Variants in PNKD observed in about 807,000 individuals in gnomAD.
PNKD encodes the protein probable thioesterase PNKD.
Under a neutral mutation model 45.3 loss-of-function variants are expected in PNKD, and 36 were observed. The observed-to-expected ratio is 0.80, with a 90% CI of 0.61 to 1.05. The LOEUF is 1.05. PNKD is among the 50% of genes least tolerant of loss of function. The pLI, the probability that PNKD is intolerant of heterozygous loss-of-function variation, is 0.00. For missense variants in PNKD, 511 were observed against 506.6 expected, an observed-to-expected ratio of 1.01 and a Z score of -0.08; for synonymous variants, 197 against 210.1, an observed-to-expected ratio of 0.94 and a Z score of 0.54.
intron 2 of PNKD, among the ~76,000 whole-genome samples, chr2:218,324,559 T>A (rs1292314842): frequency 2.0e-5 from 3 of 152,228 alleles, no homozygotes; most frequent in Admixed American, 2.0e-4. Context: ...ACATCTCTAA[T>A]ATCCTAAACC....
intron 2 of PNKD, chr2:218,272,812 G>T: frequency 6.2e-7 from 1 of 1,613,030 alleles, no homozygotes; most frequent in Non-Finnish European, 8.5e-7. Context: ...CTCAGGTTTG[G>T]CCCAGATTCC....
At chr2:218,280,551 G>C (rs1559504064) in intron 2 of PNKD, 1 of 241,858 alleles carries the variant, frequency 4.1e-6, no homozygotes, top group African/African-American at 2.3e-5. Context: ...GGTGAAGACA[G>C]GGATCTGCAT....
intron 7 of PNKD, among the ~76,000 whole-genome samples, chr2:218,342,436 A>G (rs1427618448): frequency 6.6e-6 from 1 of 152,118 alleles, no homozygotes; most frequent in Non-Finnish European, 1.5e-5. Context: ...GTGGTGGCTC[A>G]TGCCTGTAAT....
intron 1 of PNKD, 167 bp downstream of exon 1, chr2:218,270,769 TC>T (rs367830089): frequency 4.8e-6 from 2 of 413,616 alleles, no homozygotes; most frequent in Admixed American, 8.5e-5. Flanking sequence ...ACCCAGTGCA[TC>T]CCCCCGCCTT....
chr2:218,317,056 T>C (rs993887693), intron 2 of PNKD, among the ~76,000 whole-genome samples: 2 of 152,062 alleles, frequency 1.3e-5, no homozygotes, highest in African/African-American at 4.8e-5. Flanking sequence ...TGGAGGTCCA[T>C]GTGTACTGGG....
At chr2:218,273,039 C>A in intron 2 of PNKD, 2 of 936,730 alleles carry the variant, frequency 2.1e-6, no homozygotes, top group East Asian at 3.7e-5. Context: ...GCTCAGTGTT[C>A]CCAGCTGGAT....
intron 2 of PNKD, among the ~76,000 whole-genome samples, chr2:218,310,502 G>A (rs781352811): frequency 8.6e-5 from 13 of 151,750 alleles, no homozygotes; most frequent in Non-Finnish European, 1.9e-4. Context: ...GATTATAGGC[G>A]TGAGCCACTG....
rs1198734450 is a variant in PNKD, at chr2:218,345,370, G to T, written c.*389G>T. The T allele has an allele frequency of 1.0e-5, 2 of 193,984 alleles. No individual in the cohort carries two copies. Among genetic ancestry groups the T allele is most frequent in the Non-Finnish European group, 2.1e-5 (2 of 93,500 alleles). The allele number at this position is 193,984 out of a possible 1,614,324, so 12.0% of individuals were successfully genotyped here. ...TCTCACTGTAGCCCTGGAACCCAGGGTCCATCTTGCCCTTCCCCCATCCAT... is the reference window on the plus strand; with the variant it reads ...TCTCACTGTAGCCCTGGAACCCAGGTTCCATCTTGCCCTTCCCCCATCCAT... On this transcript the variant is annotated 3_prime_UTR_variant, in exon 10 of 10. Coordinates refer to ENST00000273077, the MANE Select transcript of PNKD (RefSeq NM_015488.5).
At chr2:218,342,611 A>C (rs1379305069) in intron 7 of PNKD, among the ~76,000 whole-genome samples, 2 of 151,898 alleles carry the variant, frequency 1.3e-5, no homozygotes, top group Non-Finnish European at 2.9e-5. Context: ...GAGACAGGAG[A>C]ACTGCTTGAA....
chr2:218,330,086 C>T (rs577108111), intron 2 of PNKD, among the ~76,000 whole-genome samples: 2 of 152,212 alleles, frequency 1.3e-5, no homozygotes, highest in African/African-American at 4.8e-5. Flanking sequence ...CTTGTGGGAT[C>T]GGGGGGACAT....
chr2:218,313,903 C>CTTTTTTTT (rs10550174), intron 2 of PNKD, among the ~76,000 whole-genome samples: 87 of 77,606 alleles, frequency 1.1e-3, no homozygotes, highest in African/African-American at 1.4e-3. Context: ...TTCTTTATTT[C>CTTTTTTTT]TTTTTTTTTT....
At chr2:218,300,038 T>C (rs761248811) in intron 2 of PNKD, among the ~76,000 whole-genome samples, 1 of 152,108 alleles carries the variant, frequency 6.6e-6, no homozygotes, top group African/African-American at 2.4e-5. Context: ...ATTACTGGAG[T>C]GAGCCACCGC....
intron 2 of PNKD, among the ~76,000 whole-genome samples, chr2:218,296,863 A>G (rs1473254326): frequency 6.6e-6 from 1 of 152,116 alleles, no homozygotes; most frequent in Non-Finnish European, 1.5e-5. Context: ...TTTTTAGTAG[A>G]AACAGGGTTT....
intron 2 of PNKD, chr2:218,279,993 C>G (rs372779434): frequency 6.3e-6 from 10 of 1,587,320 alleles, no homozygotes; most frequent in Non-Finnish European, 7.8e-6. Flanking sequence ...CTGAGGGGCC[C>G]CAGGTACACC....
chr2:218,308,432 C>T (rs1485659193), intron 2 of PNKD, among the ~76,000 whole-genome samples: 1 of 151,968 alleles, frequency 6.6e-6, no homozygotes, highest in Non-Finnish European at 1.5e-5. Context: ...TGTGATCTGC[C>T]CGCCTCAGCC....
chr2:218,309,733 A>G (rs1409235453), intron 2 of PNKD, among the ~76,000 whole-genome samples: 1 of 151,752 alleles, frequency 6.6e-6, no homozygotes, highest in Non-Finnish European at 1.5e-5. Flanking sequence ...GGAGTTTGAG[A>G]TCAGCCTGGC....
chr2:218,340,670 T>C lies in PNKD; in HGVS notation c.466-58T>C, dbSNP rs1694644866. On this transcript the variant is annotated intron_variant, in intron 4 of 9. Transcript: ENST00000273077. The surrounding 1 kb of genome is among the most constrained non-coding windows in gnomAD (Gnocchi z 4.2). ...CAGCGCCCACACTCCTGGCTCTTGC[T>C]GCTTCAAGTGCCTCTTGCATCCTGC... The C allele has an allele frequency of 6.2e-6, 8 of 1,293,654 alleles. No individual in the cohort carries two copies. 80.1% of individuals were successfully genotyped at this position (1,293,654 alleles called of 1,614,324 possible). A position where few individuals can be genotyped will look rare whatever the true frequency, so the allele number is the denominator to read the frequency against.
chr2:218,308,233 C>G (rs1172465732), intron 2 of PNKD, among the ~76,000 whole-genome samples: 2 of 144,308 alleles, frequency 1.4e-5, no homozygotes, highest in Admixed American at 7.1e-5. Flanking sequence ...GCACATCACT[C>G]AGATGTGCAG....
chr2:218,338,791 ATTTTT>A (rs372040108), intron 2 of PNKD, among the ~76,000 whole-genome samples: 1 of 117,508 alleles, frequency 8.5e-6, no homozygotes, highest in Non-Finnish European at 1.7e-5. Context: ...GCCTCAGATG[ATTTTT>A]TTTTTTTTTT....
Sources: allele counts gnomAD v4.1 joint callset (sites outside exome capture counted in the v4.1 genomes callset), GRCh38; gene constraint gnomAD v4.1.1; non-coding constraint Gnocchi (gnomAD v3.1); transcripts MANE v1.5; gene names NCBI Gene and HGNC (gene_info 2026-07-23, HGNC 2026-07-21).